Variants in ATXN1 observed in about 807,000 individuals in gnomAD.
ATXN1 encodes the protein ataxin 1, also known as ataxin-1.
ATXN1 carries 8 observed loss-of-function variants against 56.4 expected under a neutral mutation model. The observed-to-expected ratio is 0.14, with a 90% confidence interval of 0.08 to 0.26. ATXN1 has a LOEUF of 0.26. ATXN1 is among the 10% of genes least tolerant of loss of function. The pLI is 1.00. For synonymous variants in ATXN1, 514 were observed against 494.6 expected (o/e 1.04, Z -0.52); for missense variants, 987 against 1,106.5 (o/e 0.89, Z 1.53).
chr6:16,590,020 G>A (rs1310007700), intron 3 of ATXN1, among the ~76,000 whole-genome samples: 3 of 151,936 alleles, frequency 2.0e-5, no homozygotes, highest in Non-Finnish European at 4.4e-5. Context: ...TACACATATC[G>A]CCATTCAAGT....
chr6:16,743,703 A>G (rs1441426325), intron 2 of ATXN1, among the ~76,000 whole-genome samples: 1 of 152,204 alleles, frequency 6.6e-6, no homozygotes, highest in Non-Finnish European at 1.5e-5. Flanking sequence ...CCCTAGTCCA[A>G]GGGCTTCGTG....
intron 3 of ATXN1, among the ~76,000 whole-genome samples, chr6:16,631,324 G>A (rs1363447049): frequency 6.6e-6 from 1 of 152,204 alleles, no homozygotes; most frequent in African/African-American, 2.4e-5. Flanking sequence ...AGGGTATGCA[G>A]TGATCTTATA....
chr6:16,424,022 G>A (rs956389982), intron 6 of ATXN1, among the ~76,000 whole-genome samples: 1 of 152,152 alleles, frequency 6.6e-6, no homozygotes. Flanking sequence ...ACCCCTTGGA[G>A]CACTTTTACA....
chr6:16,367,656 G>A (rs1262162559), intron 6 of ATXN1, among the ~76,000 whole-genome samples: 1 of 152,010 alleles, frequency 6.6e-6, no homozygotes, highest in Non-Finnish European at 1.5e-5. Context: ...CCTTGGTTTT[G>A]AGGTAGACAC....
intron 4 of ATXN1, among the ~76,000 whole-genome samples, chr6:16,552,040 G>A (rs1761928912): frequency 6.6e-6 from 1 of 152,226 alleles, no homozygotes; most frequent in South Asian, 2.1e-4. Flanking sequence ...CGTGTGCATA[G>A]GTGGATATGT....
intron 1 of ATXN1, among the ~76,000 whole-genome samples, chr6:16,758,376 C>T (rs1760951252): frequency 6.6e-6 from 1 of 152,142 alleles, no homozygotes; most frequent in Admixed American, 6.5e-5. Context: ...CTAACAAGTA[C>T]CAAATACTTG....
intron 6 of ATXN1, among the ~76,000 whole-genome samples, chr6:16,460,305 C>T (rs748936659): frequency 3.9e-5 from 6 of 152,184 alleles, no homozygotes; most frequent in Non-Finnish European, 8.8e-5. Flanking sequence ...CTTACTCAGA[C>T]TTGTAGGACA....
chr6:16,423,049 G>A (rs530913477), intron 6 of ATXN1, among the ~76,000 whole-genome samples: 28 of 152,288 alleles, frequency 1.8e-4, no homozygotes, highest in Admixed American at 3.3e-4. Flanking sequence ...ACAGTCAGTG[G>A]AATAGAGCAC....
At chr6:16,522,555 T>C (rs954001754) in intron 5 of ATXN1, 72 bp downstream of exon 5, 5 of 152,106 alleles carry the variant, frequency 3.3e-5, no homozygotes, top group Non-Finnish European at 5.9e-5. Context: ...CACTTTTTCT[T>C]GGTGCATCAT....
chr6:16,454,125 CAAAAAAAAAAAA>C (rs56277549), intron 6 of ATXN1, among the ~76,000 whole-genome samples: 12 of 76,668 alleles, frequency 1.6e-4, no homozygotes, highest in Non-Finnish European at 1.6e-4. Flanking sequence ...GACTCTGTCT[CAAAAAAAAAAAA>C]AAAAAAAAAA....
intron 4 of ATXN1, among the ~76,000 whole-genome samples, chr6:16,537,283 T>A (rs1467258056): frequency 6.6e-6 from 1 of 152,086 alleles, no homozygotes; most frequent in Non-Finnish European, 1.5e-5. Context: ...ACGCAGCAAA[T>A]CAATGGCCTC....
At chr6:16,405,788 G>C (rs1431336690) in intron 6 of ATXN1, among the ~76,000 whole-genome samples, 2 of 152,168 alleles carry the variant, frequency 1.3e-5, no homozygotes, top group African/African-American at 2.4e-5. Flanking sequence ...CATGTGCGAA[G>C]TACTGCTAAT....
chr6:16,536,115 G>A (rs1364235764), intron 4 of ATXN1, among the ~76,000 whole-genome samples: 1 of 152,068 alleles, frequency 6.6e-6, no homozygotes, highest in African/African-American at 2.4e-5. Context: ...TACTCAGGGG[G>A]CTAAGATGGG....
chr6:16,439,443 G>T (rs1226633972), intron 6 of ATXN1, among the ~76,000 whole-genome samples: 1 of 138,668 alleles, frequency 7.2e-6, no homozygotes, highest in Non-Finnish European at 1.5e-5. Context: ...TGACTCAGGG[G>T]TTTTTTTTCA....
intron 4 of ATXN1, among the ~76,000 whole-genome samples, chr6:16,543,652 A>AAAAGAG (rs535769427): frequency 7.0e-6 from 1 of 143,564 alleles, no homozygotes; most frequent in Non-Finnish European, 1.5e-5. Context: ...AAAAAAAAAA[A>AAAAGAG]AGAGAGAGAG....
intron 6 of ATXN1, among the ~76,000 whole-genome samples, chr6:16,365,507 T>C (rs957183113): frequency 2.0e-5 from 3 of 152,246 alleles, no homozygotes; most frequent in African/African-American, 7.2e-5. Context: ...GTGTTTCTTC[T>C]TCCTCTTCTT....
At chr6:16,743,945 A>G (rs1760434722) in intron 2 of ATXN1, among the ~76,000 whole-genome samples, 1 of 152,226 alleles carries the variant, frequency 6.6e-6, no homozygotes, top group Non-Finnish European at 1.5e-5. Context: ...CTATGGAGCC[A>G]GGCTAAGGAT....
At chr6:16,723,947 T>A (rs79020982) in intron 2 of ATXN1, among the ~76,000 whole-genome samples, 1 of 152,202 alleles carries the variant, frequency 6.6e-6, no homozygotes, top group East Asian at 1.9e-4. Context: ...AGCATGTTGA[T>A]TCTTACACAA....
intron 4 of ATXN1, among the ~76,000 whole-genome samples, chr6:16,572,844 T>C (rs1386807682): frequency 6.6e-6 from 1 of 152,238 alleles, no homozygotes; most frequent in Non-Finnish European, 1.5e-5. Context: ...TATGGCATTT[T>C]AACTTTCAGT....
Sources: allele counts gnomAD v4.1 joint callset (sites outside exome capture counted in the v4.1 genomes callset), GRCh38; gene constraint gnomAD v4.1.1; transcripts MANE v1.5; gene names NCBI Gene and HGNC (gene_info 2026-07-23, HGNC 2026-07-21).